TBX5: variants seen among roughly 807,000 people sequenced by gnomAD.
The protein encoded by TBX5 is T-box transcription factor TBX5.
TBX5 carries 8 observed loss-of-function variants against 51.1 expected under a neutral mutation model. The ratio of observed to expected loss-of-function variants is 0.16; its 90% confidence interval spans 0.09 to 0.28. TBX5 has a LOEUF of 0.28. Ranked by LOEUF, TBX5 falls within the 10% of genes least tolerant of loss-of-function variation. The pLI is 1.00. For synonymous variants in TBX5, 302 were observed against 266.4 expected (o/e 1.13, Z -1.30); for missense variants, 589 against 671.7 (o/e 0.88, Z 1.36).
At chr12:114,380,318 CCTTT>C (rs2136391831) in intron 7 of TBX5, among the ~76,000 whole-genome samples, 1 of 152,256 alleles carries the variant, frequency 6.6e-6, no homozygotes, top group South Asian at 2.1e-4. Context: ...CACTCTCAAG[CCTTT>C]CTTTGTAGGT....
intron 7 of TBX5, among the ~76,000 whole-genome samples, chr12:114,370,288 G>GAAAAGA (rs56105735): frequency 5.1e-4 from 29 of 56,748 alleles, no homozygotes; most frequent in South Asian, 1.6e-3. Flanking sequence ...GAAAAGAAAA[G>GAAAAGA]AAAGAAAAGA....
At chr12:114,390,257 T>A (rs1871084329) in intron 6 of TBX5, among the ~76,000 whole-genome samples, 1 of 152,234 alleles carries the variant, frequency 6.6e-6, no homozygotes, top group Non-Finnish European at 1.5e-5. Flanking sequence ...AAAATATCTG[T>A]CCACTCACAT....
At position 114,370,654 on chromosome 12, in the gene TBX5, T is replaced by C. The variant is rs533878881; in HGVS notation, c.756-4263A>G. Among the ~76,000 whole-genome samples, 30 of 151,880 alleles carry C rather than the reference T, an allele frequency of 2.0e-4. No individual in the cohort carries two copies. The South Asian group carries it at 6.2e-3, about 32-fold the overall frequency. On this transcript the variant is annotated intron_variant, in intron 7 of 8. Transcript: ENST00000405440. ...TGATCTCTCCCTCTCTCTCTCTCTC[T>C]CTCTCTCTCTATCTATCTATCTTCC...
At chr12:114,388,150 G>A (rs1400648794) in intron 6 of TBX5, among the ~76,000 whole-genome samples, 3 of 151,914 alleles carry the variant, frequency 2.0e-5, no homozygotes, top group Non-Finnish European at 4.4e-5. Flanking sequence ...GCCCAGCCAG[G>A]TTTTTTGTTG....
At chr12:114,378,699 C>A (rs773399112) in intron 7 of TBX5, among the ~76,000 whole-genome samples, 2 of 152,106 alleles carry the variant, frequency 1.3e-5, no homozygotes, top group Admixed American at 6.5e-5. Context: ...TGCAGTGGCA[C>A]GATCTGGGCT....
Position 114,355,242 on chromosome 12 carries a change from C to T in TBX5, c.*290G>A, listed in dbSNP as rs370109574. ...ATGGGGGAAGAGATCTGGGGAGTAG[C>T]GTGAATGTGGCTGGTTGATGGGTGT... On this transcript the variant is annotated 3_prime_UTR_variant, in exon 9 of 9. Coordinates refer to ENST00000405440, the MANE Select transcript of TBX5 (RefSeq NM_181486.4). 4 of 472,868 alleles carry T rather than the reference C, an allele frequency of 8.5e-6. No individual in the cohort carries two copies. The highest frequency in any genetic ancestry group is 3.9e-5 in the African/African-American group (2 of 50,850). 29.3% of individuals were successfully genotyped at this position (472,868 alleles called of 1,614,324 possible). A position where few individuals can be genotyped will look rare whatever the true frequency, so the allele number is the denominator to read the frequency against.
intron 8 of TBX5, among the ~76,000 whole-genome samples, chr12:114,357,253 T>A (rs1328588333): frequency 6.6e-6 from 1 of 152,022 alleles, no homozygotes; most frequent in Non-Finnish European, 1.5e-5. Flanking sequence ...GGGGGTCTCC[T>A]TTCACCACTT....
At chr12:114,406,562 C>G (rs570807646), upstream of TBX5, among the ~76,000 whole-genome samples, 10 of 152,248 alleles carry the variant, frequency 6.6e-5, no homozygotes, top group African/African-American at 2.4e-4. Context: ...GGCCGGCGCT[C>G]GCCTTCCTGA....
intron 7 of TBX5, 117 bp downstream of exon 7, chr12:114,385,359 G>T: frequency 2.3e-6 from 2 of 868,436 alleles, no homozygotes; most frequent in Non-Finnish European, 3.9e-6. Flanking sequence ...ATTTCCATGT[G>T]CCTGGCATTC....
chr12:114,385,625 C>T (rs942778234), intron 6 of TBX5, 58 bp from the exon 7 acceptor site: 7 of 1,364,322 alleles, frequency 5.1e-6, no homozygotes, highest in African/African-American at 1.4e-5. Context: ...GCAAGACCAC[C>T]TCAGGACATG....
At chr12:114,356,197 T>C (rs1198207914) in intron 8 of TBX5, 91 bp from the exon 9 acceptor site, 1 of 1,266,190 alleles carries the variant, frequency 7.9e-7, no homozygotes, top group Non-Finnish European at 1.1e-6. Context: ...TACTGAAGAA[T>C]AAGTCCTGAG....
intron 7 of TBX5, among the ~76,000 whole-genome samples, chr12:114,370,346 AAAAG>A (rs1391566452): frequency 6.6e-6 from 1 of 152,122 alleles, no homozygotes; most frequent in Non-Finnish European, 1.5e-5. Flanking sequence ...AAGAAAAAAG[AAAAG>A]AAAGAAAAGA....
chr12:114,397,930 A>G (rs1160996802), intron 5 of TBX5, among the ~76,000 whole-genome samples: 1 of 152,192 alleles, frequency 6.6e-6, no homozygotes, highest in African/African-American at 2.4e-5. Context: ...GGCAGGATTG[A>G]GAAGTGGGGA....
At chr12:114,357,663 T>A (rs1868999541) in intron 8 of TBX5, among the ~76,000 whole-genome samples, 1 of 152,202 alleles carries the variant, frequency 6.6e-6, no homozygotes, top group South Asian at 2.1e-4. Context: ...TAATTCACAA[T>A]AATACCCTCA....
At chr12:114,360,028 T>C (rs1869146601) in intron 8 of TBX5, among the ~76,000 whole-genome samples, 1 of 152,152 alleles carries the variant, frequency 6.6e-6, no homozygotes, top group Non-Finnish European at 1.5e-5. Flanking sequence ...GCTCACAGAG[T>C]GCTTTTAAAT....
At chr12:114,400,605 C>A (rs1050545290) in intron 3 of TBX5, among the ~76,000 whole-genome samples, 3 of 152,182 alleles carry the variant, frequency 2.0e-5, no homozygotes, top group Non-Finnish European at 4.4e-5. Context: ...GCCAAAGCCT[C>A]GCAGTGTTTA....
chr12:114,405,419 C>G (rs1344415060), intron 1 of TBX5, among the ~76,000 whole-genome samples: 1 of 152,206 alleles, frequency 6.6e-6, no homozygotes, highest in Non-Finnish European at 1.5e-5. Context: ...AGAACCAGGC[C>G]GTGCTTCTGC....
intron 6 of TBX5, among the ~76,000 whole-genome samples, chr12:114,386,570 T>G (rs1329078374): frequency 1.3e-5 from 2 of 152,182 alleles, no homozygotes; most frequent in South Asian, 2.1e-4. Flanking sequence ...CACTTTTAAT[T>G]TGCACTTATT....
At chr12:114,362,113 A>G (rs1190069537) in intron 8 of TBX5, among the ~76,000 whole-genome samples, 1 of 151,878 alleles carries the variant, frequency 6.6e-6, no homozygotes, top group African/African-American at 2.4e-5. Flanking sequence ...GCCTGATTCC[A>G]CCCACATCTC....
Sources: gnomAD v4.1 joint callset for allele counts (sites outside exome capture counted in the v4.1 genomes callset) on GRCh38, gnomAD v4.1.1 for gene constraint, MANE v1.5 for transcripts, NCBI Gene and HGNC (gene_info 2026-07-23, HGNC 2026-07-21) for gene names.